SH3RF2: variants seen among roughly 807,000 people sequenced by gnomAD.
SH3RF2 encodes the protein SH3 domain containing ring finger 2, also known as E3 ubiquitin-protein ligase SH3RF2.
A neutral mutation model predicts 59.0 loss-of-function variants in SH3RF2; 43 were observed. That is an observed-to-expected ratio of 0.73 (90% CI 0.57 to 0.94). The LOEUF (loss-of-function observed/expected upper bound fraction) is 0.94. Among genes scored for constraint, SH3RF2 ranks in the 40% least tolerant of loss-of-function variants. The pLI, the probability that SH3RF2 is intolerant of heterozygous loss-of-function variation, is 0.00. For synonymous variants in SH3RF2, 391 were observed against 391.5 expected (o/e 1.00, Z 0.01); for missense variants, 930 against 940.1 (o/e 0.99, Z 0.14).
Position 146,062,602 on chromosome 5 carries a change from C to T in SH3RF2, c.2091C>T (p.Ser697=), listed in dbSNP as rs750469007. 5.1e-5 allele frequency: 83 copies of T among 1,614,164 alleles called. No individual in the cohort carries two copies. In the Admixed American group the frequency reaches 1.0e-3, roughly 20 times the overall value. Residue 697 remains serine (S), a synonymous_variant, in exon 10 of 10, where the codon TCC becomes TCT. Coordinates refer to ENST00000359120, the MANE Select transcript of SH3RF2 (RefSeq NM_152550.4). The stretch of plus-strand genomic sequence containing the variant: ...TTGCCCACCGAAGTGGCTGCCACTC[C>T]GGACAGCAGACAGACCTCCGGAGAA... ...VLFAHRSGCH[S]GQQTDLRRKS...
At chr5:146,004,243 A>C in intron 4 of SH3RF2, 90 bp downstream of exon 4, 4 of 1,011,016 alleles carry the variant, frequency 4.0e-6, no homozygotes, top group Non-Finnish European at 5.8e-6. Flanking sequence ...CCTATTTGCT[A>C]TGAGGCTTAT....
At chr5:145,959,615 ATGTG>A (rs35295719) in intron 2 of SH3RF2, among the ~76,000 whole-genome samples, 17,063 of 145,416 alleles carry the variant, frequency 0.12, 1,110 homozygotes, top group East Asian at 0.25. Flanking sequence ...CTATATATAT[ATGTG>A]TGTGTGTGTG....
intron 5 of SH3RF2, among the ~76,000 whole-genome samples, chr5:146,025,274 T>C (rs1761486430): frequency 1.3e-5 from 2 of 152,224 alleles, no homozygotes; most frequent in African/African-American, 4.8e-5. Context: ...CCGCATGGCA[T>C]GTTTGCCATC....
At chr5:145,960,251 A>G (rs1422303062) in intron 2 of SH3RF2, among the ~76,000 whole-genome samples, 1 of 152,172 alleles carries the variant, frequency 6.6e-6, no homozygotes, top group East Asian at 1.9e-4. Flanking sequence ...AAGTTCTGCC[A>G]CCTACCTAAA....
rs764452269 is a variant in SH3RF2 at position 146,049,020 on chromosome 5, C to A, written c.1152-55C>A. On this transcript the variant is annotated intron_variant, in intron 6 of 9. Transcript: ENST00000359120. ...CTCTCCACCATTCCCCCACTCCATG[C>A]CCCCCATCAGGCACGTCTTCCTTCC... 7.5e-6 allele frequency: 12 copies of A among 1,596,650 alleles called. No individual in the cohort carries two copies. In the Admixed American group the frequency reaches 1.7e-4, roughly 22 times the overall value.
At position 146,033,455 on chromosome 5, in the gene SH3RF2, T is replaced by C. The variant is rs1247180491; in HGVS notation, c.1060-14317T>C. The stretch of plus-strand genomic sequence containing the variant: ...TCTATGAGCACTAGCCCTTAGCTTT[T>C]TTTTTTTTTTTTTTTTTTTTTTTTT... On this transcript the variant is annotated intron_variant, in intron 5 of 9. Transcript: ENST00000359120. Among the ~76,000 whole-genome samples the C allele has an allele frequency of 5.8e-4, 29 of 50,276 alleles. 1 individual carries two copies. Among genetic ancestry groups the C allele is most frequent in the African/African-American group, 1.6e-3 (27 of 17,354 alleles). The allele number at this position is 50,276 out of a possible 152,430, so 33.0% of individuals were successfully genotyped here. A position where few individuals can be genotyped will look rare whatever the true frequency, so the allele number is the denominator to read the frequency against.
At chr5:145,960,079 G>A (rs1346059254) in intron 2 of SH3RF2, among the ~76,000 whole-genome samples, 3 of 152,188 alleles carry the variant, frequency 2.0e-5, no homozygotes, top group Non-Finnish European at 4.4e-5. Context: ...TTTAGAGACA[G>A]GGTCTCATTC....
At chr5:145,959,690 G>A (rs1262656247) in intron 2 of SH3RF2, among the ~76,000 whole-genome samples, 3 of 150,418 alleles carry the variant, frequency 2.0e-5, no homozygotes, top group Non-Finnish European at 4.4e-5. Flanking sequence ...TATCAGCAGA[G>A]GCAGGATAAT....
In SH3RF2 at chr5:145,954,127, C is replaced by T. The variant is rs1197368523; in HGVS notation, c.378+15821C>T. 7.9e-5 allele frequency among the ~76,000 whole-genome samples: 12 copies of T among 152,288 alleles called. No homozygotes were observed. The South Asian group carries it at 8.3e-4, about 11-fold the overall frequency. ...TTCTGCTTTTAGCTCTTTGAGGAAT[C>T]GCCATATGGCTTTCCACAATGGTTG... On this transcript the variant is annotated intron_variant, in intron 2 of 9. Coordinates refer to ENST00000359120, the MANE Select transcript of SH3RF2 (RefSeq NM_152550.4).
At chr5:146,061,871 TCCC>T (rs1762905793) in intron 9 of SH3RF2, among the ~76,000 whole-genome samples, 1 of 152,046 alleles carries the variant, frequency 6.6e-6, no homozygotes, top group South Asian at 2.1e-4. Flanking sequence ...ATATGCAATC[TCCC>T]AATTTTTATG....
intron 2 of SH3RF2, among the ~76,000 whole-genome samples, chr5:145,968,115 C>T (rs1170022312): frequency 2.6e-5 from 4 of 152,166 alleles, no homozygotes; most frequent in Non-Finnish European, 5.9e-5. Context: ...TCAGATTCTC[C>T]AGAGGGTCCA....
chr5:146,018,895 A>T lies in SH3RF2; in HGVS notation c.1059+4834A>T, dbSNP rs375958800. Reference sequence around the variant, plus strand: ...TCCCTGATAATTAGTGATATTGAGCATTTTTATATGTTTGTTGGCTGCTTA... The same window carrying T: ...TCCCTGATAATTAGTGATATTGAGCTTTTTTATATGTTTGTTGGCTGCTTA... On this transcript the variant is annotated intron_variant, in intron 5 of 9. Transcript: ENST00000359120. 9.9e-5 allele frequency among the ~76,000 whole-genome samples: 15 copies of T among 152,136 alleles called. No homozygotes were observed. In the South Asian group the frequency reaches 2.3e-3, roughly 23 times the overall value.
intron 9 of SH3RF2, among the ~76,000 whole-genome samples, chr5:146,075,615 A>T (rs1484742851): frequency 1.3e-5 from 2 of 152,056 alleles, no homozygotes; most frequent in Non-Finnish European, 2.9e-5. Flanking sequence ...GTTTGAGACC[A>T]GCCTGGCCAA....
At chr5:146,009,029 G>A (rs1371471592) in intron 4 of SH3RF2, among the ~76,000 whole-genome samples, 1 of 152,232 alleles carries the variant, frequency 6.6e-6, no homozygotes, top group East Asian at 1.9e-4. Flanking sequence ...CATTCACCTC[G>A]TGAAAGACAC....
chr5:146,079,966 G>A (rs1340006917), exon 10 of SH3RF2: 4 of 152,200 alleles, frequency 2.6e-5, no homozygotes, highest in African/African-American at 9.7e-5. Flanking sequence ...ATTTTTGCAC[G>A]TGCTGCTTTT....
intron 5 of SH3RF2, among the ~76,000 whole-genome samples, chr5:146,037,894 C>T (rs1475053792): frequency 1.3e-5 from 2 of 152,174 alleles, no homozygotes; most frequent in East Asian, 3.9e-4. Flanking sequence ...AAGTATAGTT[C>T]TGCTTCACTC....
At chr5:145,996,423 T>C (rs1303087116) in intron 2 of SH3RF2, among the ~76,000 whole-genome samples, 1 of 152,192 alleles carries the variant, frequency 6.6e-6, no homozygotes, top group Non-Finnish European at 1.5e-5. Context: ...GTGAGGCCAT[T>C]TCTATGTGAA....
At chr5:145,938,519 A>G (rs1294913190) in intron 2 of SH3RF2, among the ~76,000 whole-genome samples, 1 of 152,190 alleles carries the variant, frequency 6.6e-6, no homozygotes, top group Non-Finnish European at 1.5e-5. Context: ...GAACTATTAA[A>G]GCTTCCTAGG....
At chr5:146,061,764 T>C (rs1762901872) in intron 9 of SH3RF2, among the ~76,000 whole-genome samples, 2 of 152,166 alleles carry the variant, frequency 1.3e-5, no homozygotes, top group African/African-American at 4.8e-5. Context: ...GGGGCACTGC[T>C]TCTCAGGTCC....
Sources: gnomAD v4.1 joint callset for allele counts (sites outside exome capture counted in the v4.1 genomes callset) on GRCh38, gnomAD v4.1.1 for gene constraint, MANE v1.5 for transcripts, NCBI Gene and HGNC (gene_info 2026-07-23, HGNC 2026-07-21) for gene names.